The following SERPINI1 variants were observed in gnomAD, a reference collection of about 807,000 sequenced individuals.
SERPINI1 encodes the protein serpin family I member 1, also known as neuroserpin.
A neutral mutation model predicts 41.1 loss-of-function variants in SERPINI1; 19 were observed. The ratio of observed to expected loss-of-function variants is 0.46; its 90% CI spans 0.32 to 0.68. The LOEUF (loss-of-function observed/expected upper bound fraction) is 0.68, where lower values mean the gene tolerates loss of function less well. SERPINI1 is among the 30% of genes least tolerant of loss of function. SERPINI1 has a pLI of 0.03. For missense variants in SERPINI1, 460 were observed against 479.2 expected (o/e 0.96, Z 0.37); for synonymous variants, 138 against 156.6 (o/e 0.88, Z 0.89).
intron 1 of SERPINI1, among the ~76,000 whole-genome samples, chr3:167,742,747 A>G (rs1186166817): frequency 6.6e-6 from 1 of 152,100 alleles, no homozygotes; most frequent in Non-Finnish European, 1.5e-5. Flanking sequence ...AGTTTCAGCC[A>G]TAGTCTGATG....
chr3:167,767,034 C>T (rs192848139), intron 1 of SERPINI1, among the ~76,000 whole-genome samples: 110 of 152,304 alleles, frequency 7.2e-4, no homozygotes, highest in African/African-American at 2.5e-3. Context: ...ATGAAACACC[C>T]TTATACTGTA....
At chr3:167,818,117 T>G (rs2108572800) in intron 6 of SERPINI1, among the ~76,000 whole-genome samples, 1 of 152,082 alleles carries the variant, frequency 6.6e-6, no homozygotes, top group South Asian at 2.1e-4. Context: ...CCTCTGCCTC[T>G]CGGGTTCAAG....
At chr3:167,791,532 T>C (rs1356132297) in intron 3 of SERPINI1, among the ~76,000 whole-genome samples, 3 of 152,210 alleles carry the variant, frequency 2.0e-5, no homozygotes, top group African/African-American at 7.2e-5. Flanking sequence ...TGTAGTCTTT[T>C]AATAGTCAAA....
At chr3:167,771,980 G>A (rs1007848598) in intron 1 of SERPINI1, among the ~76,000 whole-genome samples, 2 of 152,216 alleles carry the variant, frequency 1.3e-5, no homozygotes, top group African/African-American at 2.4e-5. Flanking sequence ...ATGGCATAGT[G>A]AAATAGTACG....
At chr3:167,737,944 G>T (rs1725536052) in intron 1 of SERPINI1, among the ~76,000 whole-genome samples, 1 of 151,790 alleles carries the variant, frequency 6.6e-6, no homozygotes, top group East Asian at 1.9e-4. Context: ...AAAGAGATTG[G>T]GTTTCAATAT....
intron 1 of SERPINI1, among the ~76,000 whole-genome samples, chr3:167,776,605 G>T (rs1162119961): frequency 1.3e-5 from 2 of 152,176 alleles, no homozygotes; most frequent in African/African-American, 4.8e-5. Flanking sequence ...TGAATTATGG[G>T]CTCTTTGGTC....
chr3:167,757,359 TAAAC>T (rs1380992952), intron 1 of SERPINI1, among the ~76,000 whole-genome samples: 1 of 152,194 alleles, frequency 6.6e-6, no homozygotes, highest in Admixed American at 6.5e-5. Context: ...AATGATTTTA[TAAAC>T]AAACATGAGT....
chr3:167,777,366 A>C (rs931465190), intron 1 of SERPINI1, among the ~76,000 whole-genome samples: 2 of 152,198 alleles, frequency 1.3e-5, no homozygotes. Flanking sequence ...TTTAGCTTTT[A>C]ATTTTAAAAA....
At chr3:167,809,222 C>T (rs1010239070) in intron 6 of SERPINI1, among the ~76,000 whole-genome samples, 3 of 152,150 alleles carry the variant, frequency 2.0e-5, no homozygotes, top group Admixed American at 1.3e-4. Context: ...ATATTCATGG[C>T]TGAAGCTTAG....
chr3:167,814,290 C>CATGA (rs10690161), intron 6 of SERPINI1, among the ~76,000 whole-genome samples: 12,105 of 152,018 alleles, frequency 0.08, 531 homozygotes, highest in Non-Finnish European at 0.088. Flanking sequence ...GTGCTCAGCA[C>CATGA]ATGAATGAAT....
intron 1 of SERPINI1, among the ~76,000 whole-genome samples, chr3:167,784,184 C>A (rs1727231388): frequency 6.6e-6 from 1 of 152,078 alleles, no homozygotes; most frequent in Admixed American, 6.5e-5. Flanking sequence ...AGGTTTTTAA[C>A]CTGAGGTCAG....
chr3:167,822,284 T>A (rs1160671598), intron 6 of SERPINI1, among the ~76,000 whole-genome samples: 1 of 152,184 alleles, frequency 6.6e-6, no homozygotes, highest in Non-Finnish European at 1.5e-5. Flanking sequence ...ATCTCTGAAG[T>A]ACTGGGGGTT....
At chr3:167,786,641 T>C (rs1727324013) in intron 1 of SERPINI1, among the ~76,000 whole-genome samples, 1 of 152,134 alleles carries the variant, frequency 6.6e-6, no homozygotes, top group Admixed American at 6.6e-5. Flanking sequence ...GTGAGTGTGA[T>C]GCCTAGAACA....
At chr3:167,750,806 A>G (rs1420451276) in intron 1 of SERPINI1, among the ~76,000 whole-genome samples, 1 of 152,100 alleles carries the variant, frequency 6.6e-6, no homozygotes. Flanking sequence ...TCTGCAATAT[A>G]ATTATGATCT....
At chr3:167,763,367 GTGTGTGTGTGTA>G (rs1031076118) in intron 1 of SERPINI1, among the ~76,000 whole-genome samples, 26 of 148,872 alleles carry the variant, frequency 1.7e-4, no homozygotes, top group African/African-American at 4.9e-4. Flanking sequence ...TTGTGTGTGT[GTGTGTGTGTGTA>G]TGTGTGTGTG....
At chr3:167,779,288 T>G (rs535461125) in intron 1 of SERPINI1, among the ~76,000 whole-genome samples, 3 of 152,256 alleles carry the variant, frequency 2.0e-5, no homozygotes, top group African/African-American at 7.2e-5. Flanking sequence ...CGAACACATA[T>G]CAAAGTTTTT....
At chr3:167,743,334 A>G (rs1013781618) in intron 1 of SERPINI1, among the ~76,000 whole-genome samples, 1 of 152,186 alleles carries the variant, frequency 6.6e-6, no homozygotes, top group Non-Finnish European at 1.5e-5. Flanking sequence ...ACTCATTCAT[A>G]CAGTGACACT....
intron 7 of SERPINI1, among the ~76,000 whole-genome samples, chr3:167,824,179 A>C (rs983994983): frequency 3.9e-5 from 6 of 152,212 alleles, no homozygotes; most frequent in African/African-American, 1.4e-4. Context: ...CTGAGAATAA[A>C]CATTTCATAA....
chr3:167,824,578 AAAC>A lies in SERPINI1; in HGVS notation c.1156+19_1156+21del, dbSNP rs1228903086. The A allele has an allele frequency of 6.4e-7, 1 of 1,565,266 alleles. No homozygotes were observed. On this transcript the variant is annotated intron_variant, in intron 8 of 8. Transcript: ENST00000446050. Reference sequence around the variant, plus strand: ...AGGAGAACTGGTAAGTTTATTATGAAAACAAAATTTTATTTAATAGGTCACAAA... The same window carrying A: ...AGGAGAACTGGTAAGTTTATTATGAAAAAATTTTATTTAATAGGTCACAAA...
Sources: gnomAD v4.1 joint callset for allele counts (sites outside exome capture counted in the v4.1 genomes callset) on GRCh38, gnomAD v4.1.1 for gene constraint, MANE v1.5 for transcripts, NCBI Gene and HGNC (gene_info 2026-07-23, HGNC 2026-07-21) for gene names.